The following ZNRF2 variants were observed in gnomAD, a reference collection of about 807,000 sequenced individuals.
ZNRF2 encodes the protein E3 ubiquitin-protein ligase ZNRF2.
Under a neutral mutation model 20.4 loss-of-function variants are expected in ZNRF2, and 16 were observed. The ratio of observed to expected loss-of-function variants is 0.79; its 90% CI spans 0.53 to 1.19. The LOEUF is 1.19. Ranked by LOEUF, ZNRF2 falls within the 50% of genes most tolerant of loss-of-function variation. The pLI is 0.00. For missense variants in ZNRF2, 363 were observed against 332.4 expected (o/e 1.09, Z -0.72); for synonymous variants, 178 against 144.9 (o/e 1.23, Z -1.64).
At chr7:30,313,349 G>T (rs1799319281) in intron 1 of ZNRF2, among the ~76,000 whole-genome samples, 1 of 152,110 alleles carries the variant, frequency 6.6e-6, no homozygotes, top group Non-Finnish European at 1.5e-5. Context: ...TATAATCTAA[G>T]ACCCAGGTGA....
At chr7:30,304,471 A>G (rs1799169518) in intron 1 of ZNRF2, among the ~76,000 whole-genome samples, 1 of 152,196 alleles carries the variant, frequency 6.6e-6, no homozygotes, top group African/African-American at 2.4e-5. Flanking sequence ...TGTAAATGAT[A>G]TTAGTGTAAA....
intron 2 of ZNRF2, among the ~76,000 whole-genome samples, chr7:30,328,711 TATATCTGAACACCCAC>T (rs1441980115): frequency 1.3e-5 from 2 of 152,144 alleles, no homozygotes; most frequent in Non-Finnish European, 2.9e-5. Context: ...AAATGCACAA[TATATCTGAACACCCAC>T]ATCCTGGTAC....
In ZNRF2 at chr7:30,366,406, TTTTG is replaced by T. The variant is rs1214676277; in HGVS notation, c.*398_*401del. The T allele has an allele frequency of 6.6e-6, 1 of 152,636 alleles. No individual in the cohort carries two copies. The highest frequency in any genetic ancestry group is 1.5e-5 in the Non-Finnish European group (1 of 68,010). 9.5% of individuals were successfully genotyped at this position (152,636 alleles called of 1,614,324 possible). On this transcript the variant is annotated 3_prime_UTR_variant, in exon 5 of 5. Transcript: ENST00000323037. The stretch of plus-strand genomic sequence containing the variant: ...GCACAACTAGTTATGTTTTGATTTG[TTTTG>T]TTTTTTAATTTGGGGTCTCTTTGTT...
chr7:30,332,598 C>T (rs78799817), intron 2 of ZNRF2, among the ~76,000 whole-genome samples: 2,729 of 152,206 alleles, frequency 0.018, 85 homozygotes, highest in African/African-American at 0.062. Flanking sequence ...TTGTTTAGCT[C>T]ACATTTATAA....
At chr7:30,303,154 G>T (rs946009858) in intron 1 of ZNRF2, among the ~76,000 whole-genome samples, 1 of 151,410 alleles carries the variant, frequency 6.6e-6, no homozygotes, top group Non-Finnish European at 1.5e-5. Flanking sequence ...GTGGTAGTGC[G>T]CACCTGTAGT....
Position 30,285,632 on chromosome 7 carries a change from C to T in ZNRF2, c.275C>T (p.Ser92Leu), listed in dbSNP as rs1798768919. ...SLGGAVGSVASGARAAQSPFS... is the reference protein window; with the variant it reads ...SLGGAVGSVALGARAAQSPFS... ...GGCGGGGCCGTGGGGAGCGTGGCGT[C>T]GGGGGCCCGCGCGGCGCAGTCCCCC... Residue 92 changes from serine to leucine, a missense_variant, in exon 1 of 5, where the codon TCG (serine) becomes TTG (leucine). Physicochemically the swap from Ser to Leu is moderately radical, Grantham distance 145 (BLOSUM62 -2). Around this residue, in one of 2 missense-constraint regions of ZNRF2, gnomAD observed 302 missense variants for 231.5 expected, o/e 1.30. Coordinates refer to ENST00000323037, the MANE Select transcript of ZNRF2 (RefSeq NM_147128.4). The T allele has an allele frequency of 5.6e-6, 7 of 1,244,410 alleles. No individual in the cohort carries two copies. Among genetic ancestry groups the T allele is most frequent in the Non-Finnish European group, 7.0e-6 (7 of 997,946 alleles). 77.1% of individuals were successfully genotyped at this position (1,244,410 alleles called of 1,614,324 possible).
intron 1 of ZNRF2, among the ~76,000 whole-genome samples, chr7:30,301,300 TG>T (rs1355794125): frequency 6.6e-6 from 1 of 152,094 alleles, no homozygotes; most frequent in Non-Finnish European, 1.5e-5. Flanking sequence ...CTGGCCAACA[TG>T]GTGAAACCCC....
At chr7:30,360,300 T>C (rs192372199) in intron 3 of ZNRF2, among the ~76,000 whole-genome samples, 1 of 152,356 alleles carries the variant, frequency 6.6e-6, no homozygotes, top group East Asian at 1.9e-4. Flanking sequence ...GCAAACTCCT[T>C]ATCTCAAAGA....
At chr7:30,297,518 G>C (rs1391940165) in intron 1 of ZNRF2, among the ~76,000 whole-genome samples, 1 of 152,118 alleles carries the variant, frequency 6.6e-6, no homozygotes, top group Non-Finnish European at 1.5e-5. Context: ...ACTTTGACTT[G>C]ATATAGAATT....
At position 30,350,481 on chromosome 7, in the gene ZNRF2, C is replaced by T. The variant is rs943500090; in HGVS notation, c.566-5247C>T. 1.5e-4 allele frequency among the ~76,000 whole-genome samples: 23 copies of T among 152,028 alleles called. 1 individual carries two copies. The highest frequency in any genetic ancestry group is 5.8e-4 in the East Asian group (3 of 5,182). ...AGGCAGAGAAGCCCAGATTAATAAA[C>T]GTTATTCCCATATTTTTACTGATAT... On this transcript the variant is annotated intron_variant, in intron 2 of 4. Transcript: ENST00000323037.
In ZNRF2 at chr7:30,345,956, AT is replaced by A. The variant is rs140654768; in HGVS notation, c.566-9767del. Among the ~76,000 whole-genome samples, 970 of 151,474 alleles carry A rather than the reference AT, an allele frequency of 6.4e-3. 7 individuals carry two copies. Among genetic ancestry groups the A allele is most frequent in the African/African-American group, 0.022 (927 of 41,212 alleles). ...CTCTCTGCTGTTGTTTACACTCTTT[AT>A]TTTTCTGTTACTGAGATCTTCATTC... is the stretch of plus-strand genomic sequence containing the variant. On this transcript the variant is annotated intron_variant, in intron 2 of 4. Transcript: ENST00000323037.
At chr7:30,365,638 T>C (rs377646551) in intron 4 of ZNRF2, among the ~76,000 whole-genome samples, 4 of 152,304 alleles carry the variant, frequency 2.6e-5, no homozygotes, top group South Asian at 2.1e-4. Flanking sequence ...TCAGTGTTGT[T>C]AAAACATTTT....
At chr7:30,314,785 G>A (rs1799342538) in intron 1 of ZNRF2, among the ~76,000 whole-genome samples, 1 of 139,554 alleles carries the variant, frequency 7.2e-6, no homozygotes, top group East Asian at 2.2e-4. Flanking sequence ...TCCAAATATG[G>A]GAAATATATA....
chr7:30,339,966 G>C (rs1799770731), intron 2 of ZNRF2, among the ~76,000 whole-genome samples: 1 of 152,044 alleles, frequency 6.6e-6, no homozygotes, highest in Non-Finnish European at 1.5e-5. Context: ...TTCTTGAAGA[G>C]GTCCTTCACA....
rs1800217218 is a variant in ZNRF2, at chr7:30,366,441, C to T, written c.*429C>T. Reference sequence around the variant, plus strand: ...TAATTTGGGGTCTCTTTGTTTTCCCCAACATAATGTTCATAATGTTTCTGC... The same window carrying T: ...TAATTTGGGGTCTCTTTGTTTTCCCTAACATAATGTTCATAATGTTTCTGC... On this transcript the variant is annotated 3_prime_UTR_variant, in exon 5 of 5. Coordinates refer to ENST00000323037, the MANE Select transcript of ZNRF2 (RefSeq NM_147128.4). The T allele has an allele frequency of 6.6e-6, 1 of 152,442 alleles. No homozygotes were observed. The highest frequency in any genetic ancestry group is 1.5e-5 in the Non-Finnish European group (1 of 67,972). 9.4% of individuals were successfully genotyped at this position (152,442 alleles called of 1,614,324 possible). A position where few individuals can be genotyped will look rare whatever the true frequency, so the allele number is the denominator to read the frequency against.
At chr7:30,362,946 G>A (rs1240668388) in intron 4 of ZNRF2, among the ~76,000 whole-genome samples, 2 of 151,976 alleles carry the variant, frequency 1.3e-5, no homozygotes, top group African/African-American at 4.8e-5. Flanking sequence ...GTGAAACCCC[G>A]TCTCTACTGA....
At chr7:30,335,780 T>C (rs1799707299) in intron 2 of ZNRF2, among the ~76,000 whole-genome samples, 1 of 152,192 alleles carries the variant, frequency 6.6e-6, no homozygotes, top group South Asian at 2.1e-4. Flanking sequence ...ACTTGGAATA[T>C]TTATCTTATA....
At chr7:30,300,464 T>TA (rs1182174688) in intron 1 of ZNRF2, among the ~76,000 whole-genome samples, 5 of 152,184 alleles carry the variant, frequency 3.3e-5, no homozygotes, top group African/African-American at 1.2e-4. Context: ...CCCAAATGTT[T>TA]AATTAATGAT....
Position 30,355,813 on chromosome 7 carries a change from T to C in ZNRF2, c.651T>C (p.Cys217=), listed in dbSNP as rs1250381450. 4 of 1,613,004 alleles carry C rather than the reference T, an allele frequency of 2.5e-6. No individual in the cohort carries two copies. The South Asian group carries it at 4.4e-5, about 18-fold the overall frequency. Residue 217 remains cysteine, a synonymous_variant, in exon 3 of 5, where the codon TGT becomes TGC. Coordinates refer to ENST00000323037, the MANE Select transcript of ZNRF2 (RefSeq NM_147128.4). ...QQGDTIARLP[C]LCIYHKGCID... Reference sequence around the variant, plus strand: ...GAGATACTATAGCACGACTGCCTTGTCTATGCATATATCATAAAGGGTAAG... The same window carrying C: ...GAGATACTATAGCACGACTGCCTTGCCTATGCATATATCATAAAGGGTAAG...
Sources: allele counts gnomAD v4.1 joint callset (sites outside exome capture counted in the v4.1 genomes callset), GRCh38; gene constraint gnomAD v4.1.1; regional missense constraint gnomAD v4.1.1; transcripts MANE v1.5; gene names NCBI Gene and HGNC (gene_info 2026-07-23, HGNC 2026-07-21).